ANKRD20A1: variants seen among roughly 807,000 people sequenced by gnomAD.
The protein encoded by ANKRD20A1 is ankyrin repeat domain-containing protein 20A1.
Under a neutral mutation model 50.9 loss-of-function variants are expected in ANKRD20A1, and 2 were observed. That is an observed-to-expected ratio of 0.04 (90% CI 0.02 to 0.12). The LOEUF (loss-of-function observed/expected upper bound fraction) is 0.12. ANKRD20A1 is among the 10% of genes least tolerant of loss of function. The pLI is 1.00. For missense variants in ANKRD20A1, 31 were observed against 548.1 expected (o/e 0.06, Z 9.42); for synonymous variants, 10 against 186.2 (o/e 0.05, Z 7.70).
At chr9:67,883,136 C>G (rs1312536777) in intron 8 of ANKRD20A1, among the ~76,000 whole-genome samples, 6 of 151,636 alleles carry the variant, frequency 4.0e-5, no homozygotes, top group African/African-American at 7.3e-5. Context: ...ATTTATAATC[C>G]TTTGGGTATA....
intron 9 of ANKRD20A1, among the ~76,000 whole-genome samples, chr9:67,885,258 G>A (rs1389309366): frequency 2.6e-5 from 4 of 152,268 alleles, no homozygotes; most frequent in Non-Finnish European, 5.9e-5. Flanking sequence ...GTAGAAGAAG[G>A]AAGAACATGG....
At chr9:67,865,684 G>C (rs199878236) in intron 3 of ANKRD20A1, among the ~76,000 whole-genome samples, 2,009 of 104,448 alleles carry the variant, frequency 0.019, 17 homozygotes, top group Admixed American at 0.032. Context: ...TTCTATCATT[G>C]TTTGGTCTGC....
chr9:67,880,923 G>GTA (rs1827783598), intron 8 of ANKRD20A1, among the ~76,000 whole-genome samples: 1 of 98,672 alleles, frequency 1.0e-5, no homozygotes, highest in African/African-American at 3.2e-5. Context: ...ATTTATGCCT[G>GTA]TATAAATCTT....
At position 67,859,211 on chromosome 9, in the gene ANKRD20A1, G is replaced by C; in HGVS notation, c.-216G>C. 2.8e-6 allele frequency: 1 copy of C among 361,604 alleles called. No homozygotes were observed. The allele number at this position is 361,604 out of a possible 1,614,324, so 22.4% of individuals were successfully genotyped here. A position where few individuals can be genotyped will look rare whatever the true frequency, so the allele number is the denominator to read the frequency against. On this transcript the variant is annotated 5_prime_UTR_variant, in exon 1 of 15. Coordinates refer to ENST00000562196, the MANE Select transcript of ANKRD20A1 (RefSeq NM_032250.5). ...TGAGAGGTCGGAGGCTGCGAGTGTC[G>C]CTGCTGAAGGCTGTGGTGGACCGGG... is the stretch of plus-strand genomic sequence containing the variant.
chr9:67,883,107 G>T (rs1827826161), intron 8 of ANKRD20A1, among the ~76,000 whole-genome samples: 2 of 151,404 alleles, frequency 1.3e-5, no homozygotes, highest in Non-Finnish European at 2.9e-5. Flanking sequence ...ACGTGTGCAT[G>T]TGTCTTTATA....
At chr9:67,882,863 G>A (rs59217995) in intron 8 of ANKRD20A1, among the ~76,000 whole-genome samples, 118,034 of 148,314 alleles carry the variant, frequency 0.8, 43,965 homozygotes, top group East Asian at 0.95. Flanking sequence ...TTCAATTTCC[G>A]CCTATGAGTG....
rs1311540742 is a variant in ANKRD20A1 at position 67,881,526 on chromosome 9, G to C, written c.894+981G>C. Among the ~76,000 whole-genome samples, 12 of 151,818 alleles carry C rather than the reference G, an allele frequency of 7.9e-5. No individual in the cohort carries two copies. In the Admixed American group the frequency reaches 7.9e-4, roughly 10 times the overall value. On this transcript the variant is annotated intron_variant, in intron 8 of 14. Coordinates refer to ENST00000562196, the MANE Select transcript of ANKRD20A1 (RefSeq NM_032250.5). ...ACTCACCTGTAATCCCAGCAGTTTTGGAGGCCGAGGTCGGTAGATCACCTG... is the reference window on the plus strand; with the variant it reads ...ACTCACCTGTAATCCCAGCAGTTTTCGAGGCCGAGGTCGGTAGATCACCTG...
At chr9:67,868,980 C>G (rs1246956823) in intron 5 of ANKRD20A1, among the ~76,000 whole-genome samples, 1 of 72,492 alleles carries the variant, frequency 1.4e-5, no homozygotes, top group African/African-American at 4.0e-5. Context: ...TCTGAAAGTG[C>G]TAGCCACCAT....
At position 67,860,571 on chromosome 9, in the gene ANKRD20A1, A is replaced by G. The variant is rs1827494277; in HGVS notation, c.203+942A>G. 2 of 37,526 alleles carry G rather than the reference A, an allele frequency of 5.3e-5. 1 individual carries two copies. The highest frequency in any genetic ancestry group is 1.8e-3 in the South Asian group (2 of 1,100). The allele number at this position is 37,526 out of a possible 1,614,324, so 2.3% of individuals were successfully genotyped here. Reference sequence around the variant, plus strand: ...ATATACATAGGAAAAAATCCTTCGCATTTCTGGTATAAGAATTTAAACTAA... The same window carrying G: ...ATATACATAGGAAAAAATCCTTCGCGTTTCTGGTATAAGAATTTAAACTAA... On this transcript the variant is annotated intron_variant, in intron 1 of 14. Transcript: ENST00000562196.
intron 8 of ANKRD20A1, among the ~76,000 whole-genome samples, chr9:67,881,583 G>C (rs879661748): frequency 6.6e-6 from 1 of 152,148 alleles, no homozygotes; most frequent in African/African-American, 2.4e-5. Flanking sequence ...CCTGGCCAAC[G>C]TGGTGAAACC....
chr9:67,881,332 T>C (rs371373725), intron 8 of ANKRD20A1, among the ~76,000 whole-genome samples: 8,311 of 140,658 alleles, frequency 0.059, no homozygotes, highest in African/African-American at 0.12. Flanking sequence ...TTATGAGTTG[T>C]CCATGAAGAG....
chr9:67,867,771 G>C, intron 4 of ANKRD20A1, among the ~76,000 whole-genome samples: 1 of 102,126 alleles, frequency 9.8e-6, no homozygotes, highest in African/African-American at 3.1e-5. Context: ...CGATTCTCCT[G>C]CCTCGGCCTC....
At position 67,878,974 on chromosome 9, in the gene ANKRD20A1, T is replaced by C. The variant is rs535163278; in HGVS notation, c.824+1184T>C. On this transcript the variant is annotated intron_variant, in intron 7 of 14. Coordinates refer to ENST00000562196, the MANE Select transcript of ANKRD20A1 (RefSeq NM_032250.5). ...GATTGGATAGGAGTACAGACTCTTC[T>C]ATAAGAGATCAAAATATTGGGGTTT... Among the ~76,000 whole-genome samples the C allele has an allele frequency of 8.9e-4, 46 of 51,710 alleles. 7 individuals are homozygous for C. Among genetic ancestry groups the C allele is most frequent in the African/African-American group, 1.8e-3 (46 of 25,236 alleles). 33.9% of individuals were successfully genotyped at this position (51,710 alleles called of 152,430 possible).
intron 6 of ANKRD20A1, among the ~76,000 whole-genome samples, chr9:67,872,602 T>C (rs1409161137): frequency 3.6e-5 from 5 of 138,460 alleles, no homozygotes; most frequent in Admixed American, 2.8e-4. Flanking sequence ...TGGTCAGTGG[T>C]AGACTATAAT....
At chr9:67,865,157 T>C (rs1435170277) in intron 3 of ANKRD20A1, among the ~76,000 whole-genome samples, 3 of 151,802 alleles carry the variant, frequency 2.0e-5, no homozygotes, top group Non-Finnish European at 2.9e-5. Flanking sequence ...AGTTTTATTA[T>C]GAACTATCTC....
intron 3 of ANKRD20A1, among the ~76,000 whole-genome samples, chr9:67,865,146 A>T (rs1457219976): frequency 6.6e-6 from 1 of 151,820 alleles, no homozygotes; most frequent in South Asian, 2.1e-4. Context: ...TTTTTAGTTG[A>T]AGTTTTATTA....
intron 12 of ANKRD20A1, among the ~76,000 whole-genome samples, 171 bp from the exon 13 acceptor site, chr9:67,897,381 TAAAATAA>T (rs1297718969): frequency 7.4e-4 from 1 of 1,352 alleles, no homozygotes; most frequent in African/African-American, 6.3e-3. Flanking sequence ...ATTTCGATGA[TAAAATAA>T]GAGTATCTTA....
chr9:67,884,885 G>A (rs1175121839), intron 9 of ANKRD20A1, among the ~76,000 whole-genome samples: 12 of 150,192 alleles, frequency 8.0e-5, no homozygotes, highest in East Asian at 2.0e-4. Flanking sequence ...GCGAGACTCC[G>A]TCTCAGAAAA....
At chr9:67,890,556 G>A (rs1426415337) in intron 11 of ANKRD20A1, among the ~76,000 whole-genome samples, 6 of 152,284 alleles carry the variant, frequency 3.9e-5, no homozygotes, top group Non-Finnish European at 8.8e-5. Context: ...TTTGCCTTGT[G>A]GTGTCTCCTC....
Sources: allele counts gnomAD v4.1 joint callset (sites outside exome capture counted in the v4.1 genomes callset), GRCh38; gene constraint gnomAD v4.1.1; transcripts MANE v1.5; gene names NCBI Gene and HGNC (gene_info 2026-07-23, HGNC 2026-07-21).